The following RANBP10 variants were observed in gnomAD, a reference collection of about 807,000 sequenced individuals.
RANBP10 encodes RAN binding protein 10.
Under a neutral mutation model 72.8 loss-of-function variants are expected in RANBP10, and 24 were observed. The observed-to-expected ratio is 0.33, with a 90% CI of 0.24 to 0.46. The LOEUF is 0.46. Ranked by LOEUF, RANBP10 falls within the 20% of genes least tolerant of loss-of-function variation. RANBP10 has a pLI of 1.00. For missense variants in RANBP10, 679 were observed against 817.5 expected, an observed-to-expected ratio of 0.83 and a Z score of 2.07; for synonymous variants, 310 against 322.3, an observed-to-expected ratio of 0.96 and a Z score of 0.41.
intron 2 of RANBP10, among the ~76,000 whole-genome samples, chr16:67,788,927 G>A (rs2054972898): frequency 6.6e-6 from 1 of 151,028 alleles, no homozygotes; most frequent in African/African-American, 2.5e-5. Flanking sequence ...TTGAACCGAG[G>A]TGGAGGCTGC....
intron 2 of RANBP10, among the ~76,000 whole-genome samples, chr16:67,779,364 T>G (rs1290903701): frequency 1.4e-5 from 2 of 146,138 alleles, no homozygotes; most frequent in Admixed American, 6.9e-5. Flanking sequence ...ACTACTGCAC[T>G]CCAGCCTGGG....
chr16:67,734,365 T>TA (rs1208365849), intron 6 of RANBP10, among the ~76,000 whole-genome samples: 2 of 152,184 alleles, frequency 1.3e-5, no homozygotes, highest in Non-Finnish European at 2.9e-5. Context: ...GTCTGGGAAT[T>TA]AATCAGCCAA....
chr16:67,762,363 CTA>C (rs1283946357), intron 3 of RANBP10: 1 of 152,150 alleles, frequency 6.6e-6, no homozygotes, highest in African/African-American at 2.4e-5. Flanking sequence ...CATAACCATC[CTA>C]TATATGAGTT....
In RANBP10 at chr16:67,792,370, C is replaced by T. The variant is rs532909906; in HGVS notation, c.347+13058G>A. On this transcript the variant is annotated intron_variant, in intron 2 of 13. Transcript: ENST00000317506. ...GAGATCAAGACCATCCTGGCTAACA[C>T]GGTGAAACCCCATCTCTACTAAAAA... Among the ~76,000 whole-genome samples, 968 of 151,592 alleles carry T rather than the reference C, an allele frequency of 6.4e-3. 6 individuals carry two copies. The highest frequency in any genetic ancestry group is 0.022 in the African/African-American group (899 of 41,338).
At chr16:67,798,553 G>A (rs889889757) in intron 2 of RANBP10, among the ~76,000 whole-genome samples, 1 of 152,100 alleles carries the variant, frequency 6.6e-6, no homozygotes, top group Admixed American at 6.6e-5. Flanking sequence ...ATAAAACATG[G>A]GGCATTACTG....
chr16:67,755,153 G>A (rs997009235), intron 3 of RANBP10, among the ~76,000 whole-genome samples: 6 of 152,126 alleles, frequency 3.9e-5, no homozygotes, highest in Non-Finnish European at 5.9e-5. Flanking sequence ...TTAAGGGGGG[G>A]TCCAGCAATT....
intron 3 of RANBP10, among the ~76,000 whole-genome samples, chr16:67,768,678 T>C (rs1275071966): frequency 2.6e-5 from 4 of 152,166 alleles, no homozygotes; most frequent in Non-Finnish European, 1.5e-5. Context: ...TTTGCACCAC[T>C]GCACTCCAGC....
chr16:67,733,426 G>C (rs1030524841), intron 6 of RANBP10, among the ~76,000 whole-genome samples: 4 of 151,812 alleles, frequency 2.6e-5, no homozygotes. Flanking sequence ...TAAACACAAG[G>C]GTAAATATGA....
chr16:67,742,344 A>C (rs1303506299), intron 4 of RANBP10, among the ~76,000 whole-genome samples: 1 of 152,162 alleles, frequency 6.6e-6, no homozygotes, highest in African/African-American at 2.4e-5. Flanking sequence ...CAAACAACAA[A>C]TTTTAGATTA....
intron 10 of RANBP10, among the ~76,000 whole-genome samples, chr16:67,728,803 C>T (rs994092338): frequency 4.6e-5 from 7 of 152,254 alleles, no homozygotes; most frequent in Non-Finnish European, 8.8e-5. Context: ...ATCCCCCAAC[C>T]TAATGACTGG....
intron 2 of RANBP10, among the ~76,000 whole-genome samples, chr16:67,795,224 AAC>A (rs2055107857): frequency 6.6e-6 from 1 of 151,752 alleles, no homozygotes; most frequent in South Asian, 2.1e-4. Context: ...CAGCCTGGGC[AAC>A]AGAGTGAGAC....
rs185965080 is a variant in RANBP10, at chr16:67,747,418, G to A, written c.401-2963C>T. Reference sequence around the variant, plus strand: ...CTTGTTTATCGTATTGCACTGTAAAGGTTCTTGATGTAGTTTAGATACAAG... The same window carrying A: ...CTTGTTTATCGTATTGCACTGTAAAAGTTCTTGATGTAGTTTAGATACAAG... On this transcript the variant is annotated intron_variant, in intron 3 of 13. Coordinates refer to ENST00000317506, the MANE Select transcript of RANBP10 (RefSeq NM_020850.3). 1.7e-3 allele frequency among the ~76,000 whole-genome samples: 259 copies of A among 152,060 alleles called. 1 individual carries two copies. The highest frequency in any genetic ancestry group is 6.0e-3 in the African/African-American group (250 of 41,502).
rs929613946 is a variant in RANBP10 at position 67,753,958 on chromosome 16, C to A, written c.401-9503G>T. Among the ~76,000 whole-genome samples, 4 of 152,048 alleles carry A rather than the reference C, an allele frequency of 2.6e-5. No individual in the cohort carries two copies. In the East Asian group the frequency reaches 7.7e-4, roughly 29 times the overall value. ...GACCATCCTGGCTAACATGGTGAAACCCCGTCTCTACTAAAAAATACAAAA... is the reference window on the plus strand; with the variant it reads ...GACCATCCTGGCTAACATGGTGAAAACCCGTCTCTACTAAAAAATACAAAA... On this transcript the variant is annotated intron_variant, in intron 3 of 13. Transcript: ENST00000317506.
chr16:67,767,575 A>C (rs903135580), intron 3 of RANBP10, among the ~76,000 whole-genome samples: 3 of 151,552 alleles, frequency 2.0e-5, no homozygotes, highest in Non-Finnish European at 4.4e-5. Context: ...CTGCCTGGGC[A>C]ACACAGGGAG....
intron 3 of RANBP10, among the ~76,000 whole-genome samples, chr16:67,751,761 C>T (rs1389364310): frequency 1.3e-5 from 2 of 152,072 alleles, no homozygotes; most frequent in Admixed American, 6.6e-5. Flanking sequence ...ACTAAAAATA[C>T]AAAAATTAGC....
intron 3 of RANBP10, among the ~76,000 whole-genome samples, chr16:67,771,827 G>T (rs1269730311): frequency 6.6e-6 from 1 of 152,172 alleles, no homozygotes; most frequent in Non-Finnish European, 1.5e-5. Context: ...TTCCATTAAT[G>T]ACAATCACTT....
intron 3 of RANBP10, among the ~76,000 whole-genome samples, chr16:67,769,906 A>C (rs2143012175): frequency 6.6e-6 from 1 of 152,204 alleles, no homozygotes; most frequent in South Asian, 2.1e-4. Context: ...CCTCTACAAA[A>C]AATGAAAAAT....
At chr16:67,733,007 T>C (rs1314481224) in intron 6 of RANBP10, among the ~76,000 whole-genome samples, 2 of 142,686 alleles carry the variant, frequency 1.4e-5, no homozygotes, top group African/African-American at 5.3e-5. Flanking sequence ...TGAGCCGAGA[T>C]TGCGCCACTG....
At chr16:67,805,797 C>G (rs1362836968) in intron 1 of RANBP10, among the ~76,000 whole-genome samples, 1 of 152,220 alleles carries the variant, frequency 6.6e-6, no homozygotes, top group Non-Finnish European at 1.5e-5. Context: ...GAGAGATACT[C>G]AAGTGCTGCT....
Sources: gnomAD v4.1 joint callset for allele counts (sites outside exome capture counted in the v4.1 genomes callset) on GRCh38, gnomAD v4.1.1 for gene constraint, MANE v1.5 for transcripts, NCBI Gene and HGNC (gene_info 2026-07-23, HGNC 2026-07-21) for gene names.